MGAT5: variants seen among roughly 807,000 people sequenced by gnomAD.
The protein encoded by MGAT5 is alpha-1,6-mannosylglycoprotein 6-beta-N-acetylglucosaminyltransferase, also known as alpha-1,6-mannosylglycoprotein 6-beta-N-acetylglucosaminyltransferase A.
Under a neutral mutation model 94.3 loss-of-function variants are expected in MGAT5, and 30 were observed. The observed-to-expected ratio is 0.32, with a 90% CI of 0.24 to 0.43. MGAT5 has a LOEUF of 0.43. Among genes scored for constraint, MGAT5 ranks in the 20% least tolerant of loss-of-function variants. The pLI is 1.00. For missense variants in MGAT5, 691 were observed against 905.5 expected, an observed-to-expected ratio of 0.76 and a Z score of 3.04; for synonymous variants, 310 against 322.9, an observed-to-expected ratio of 0.96 and a Z score of 0.43.
chr2:134,172,186 A>G (rs531997287), intron 1 of MGAT5, among the ~76,000 whole-genome samples: 6 of 152,138 alleles, frequency 3.9e-5, no homozygotes, highest in Admixed American at 6.5e-5. Flanking sequence ...GAGCAGCCCA[A>G]CCTGGGCCCA....
At chr2:134,414,182 C>T (rs1344160398) in intron 12 of MGAT5, among the ~76,000 whole-genome samples, 2 of 148,628 alleles carry the variant, frequency 1.3e-5, no homozygotes, top group Non-Finnish European at 3.0e-5. Flanking sequence ...TTTCCTTCTG[C>T]TAGAATAATA....
intron 1 of MGAT5, among the ~76,000 whole-genome samples, chr2:134,262,377 A>G (rs972508367): frequency 1.6e-4 from 24 of 152,216 alleles, no homozygotes; most frequent in African/African-American, 5.8e-4. Flanking sequence ...AGCTGGGACT[A>G]TAGGCATGTG....
At chr2:134,308,783 C>T (rs950481983) in intron 2 of MGAT5, among the ~76,000 whole-genome samples, 1 of 152,008 alleles carries the variant, frequency 6.6e-6, no homozygotes, top group Non-Finnish European at 1.5e-5. Context: ...GCCTGTAATC[C>T]CAGCACTTTG....
At chr2:134,328,652 A>G (rs1349861790) in intron 4 of MGAT5, among the ~76,000 whole-genome samples, 2 of 152,128 alleles carry the variant, frequency 1.3e-5, no homozygotes, top group African/African-American at 4.8e-5. Context: ...CCTGTGTGCC[A>G]GGTACTGCTT....
intron 12 of MGAT5, among the ~76,000 whole-genome samples, chr2:134,421,542 C>T (rs1684291105): frequency 6.6e-6 from 1 of 151,816 alleles, no homozygotes; most frequent in Non-Finnish European, 1.5e-5. Context: ...CTGGATCATA[C>T]TACTGCATTC....
chr2:134,277,240 A>G (rs936848527), intron 2 of MGAT5, among the ~76,000 whole-genome samples: 13 of 152,124 alleles, frequency 8.5e-5, no homozygotes, highest in Admixed American at 2.6e-4. Context: ...GGGAAATAAT[A>G]GTAGTGTCCA....
intron 1 of MGAT5, among the ~76,000 whole-genome samples, chr2:134,204,766 CT>C (rs1394455802): frequency 6.6e-6 from 1 of 152,168 alleles, no homozygotes; most frequent in African/African-American, 2.4e-5. Context: ...ACAGGTATCT[CT>C]CTGGGGATAC....
intron 10 of MGAT5, among the ~76,000 whole-genome samples, chr2:134,371,944 TA>T (rs59624970): frequency 3.1e-3 from 440 of 139,846 alleles, no homozygotes; most frequent in Middle Eastern, 3.7e-3. Flanking sequence ...TTGTTTTGTT[TA>T]AAAAAAAAAA....
At position 134,270,518 on chromosome 2, in the gene MGAT5, G is replaced by A. The variant is rs1347318247; in HGVS notation, c.374G>A (p.Ser125Asn). The A allele has an allele frequency of 6.2e-7, 1 of 1,614,166 alleles. No individual in the cohort carries two copies. Among genetic ancestry groups the A allele is most frequent in the Admixed American group, 1.7e-5 (1 of 60,022 alleles). Residue 125 changes from serine to asparagine, a missense_variant, in exon 2 of 16, where the codon AGC becomes AAC. Physicochemically the swap from Ser to Asn is conservative, Grantham distance 46. Transcript: ENST00000281923. ...NSTNSTTAVP[S>N]LVALEKINVA... Reference sequence around the variant, plus strand: ...ACCAACTCCACTACAGCTGTTCCCAGCTTGGTTGCACTTGAGAAAATTAAT... The same window carrying A: ...ACCAACTCCACTACAGCTGTTCCCAACTTGGTTGCACTTGAGAAAATTAAT...
rs568380821 is a variant in MGAT5, at chr2:134,185,982, C to T, written c.-143+65691C>T. Among the ~76,000 whole-genome samples, 31 of 152,302 alleles carry T rather than the reference C, an allele frequency of 2.0e-4. No homozygotes were observed. The South Asian group carries it at 5.4e-3, about 26-fold the overall frequency. On this transcript the variant is annotated intron_variant, in intron 1 of 16. Transcript: ENST00000409645. The stretch of plus-strand genomic sequence containing the variant: ...GCCTGTGATATTTGGGTTCTGCTGT[C>T]CTCATGAGGATGAGGAACCGTAGAT...
chr2:134,295,361 G>A (rs1032225568), intron 2 of MGAT5, among the ~76,000 whole-genome samples: 5 of 152,176 alleles, frequency 3.3e-5, no homozygotes, highest in Non-Finnish European at 7.4e-5. Flanking sequence ...CCAATCAACT[G>A]TGTGGCTTTC....
At chr2:134,143,953 G>C (rs555196155) in intron 1 of MGAT5, among the ~76,000 whole-genome samples, 20 of 152,208 alleles carry the variant, frequency 1.3e-4, no homozygotes, top group African/African-American at 4.8e-4. Flanking sequence ...AGTTCAGGGA[G>C]GTGAGGGAAT....
chr2:134,127,555 A>G (rs1339796296), intron 1 of MGAT5, among the ~76,000 whole-genome samples: 1 of 138,054 alleles, frequency 7.2e-6, no homozygotes, highest in East Asian at 2.5e-4. Context: ...TGTAGGTCCA[A>G]TAAAGAAAGG....
chr2:134,445,563 A>G (rs558541570), intron 15 of MGAT5, among the ~76,000 whole-genome samples: 1 of 152,308 alleles, frequency 6.6e-6, no homozygotes, highest in East Asian at 1.9e-4. Flanking sequence ...TTCTCAGCCC[A>G]GTGCCTGTGA....
intron 1 of MGAT5, among the ~76,000 whole-genome samples, chr2:134,202,563 G>C (rs1361564200): frequency 6.6e-6 from 1 of 152,232 alleles, no homozygotes; most frequent in African/African-American, 2.4e-5. Context: ...CACTGGCCCA[G>C]GGTTTAGCAT....
rs369516817 is a variant in MGAT5 at position 134,362,289 on chromosome 2, A to G, written c.1261A>G (p.Asn421Asp). 2 of 1,613,760 alleles carry G rather than the reference A, an allele frequency of 1.2e-6. No homozygotes were observed. The highest frequency in any genetic ancestry group is 2.7e-5 in the African/African-American group (2 of 74,916). The change falls in exon 10 of 16, where the codon AAC becomes GAC. Residue 421 changes from asparagine (N) to aspartate (D), a missense_variant. Transcript: ENST00000281923. The part of the protein sequence containing the change: ...FYTMFPHTPD[N>D]SFLGFVVEQH... ...TTGCACACCAGCTCATACCCCAGAC[A>G]ACAGCTTTCTGGGGTTTGTGGTTGA...
At chr2:134,387,326 ATATATATT>A (rs1231114664) in intron 10 of MGAT5, among the ~76,000 whole-genome samples, 74 of 36,726 alleles carry the variant, frequency 2.0e-3, no homozygotes, top group Middle Eastern at 0.012. Flanking sequence ...ATATATATAT[ATATATATT>A]TTTTTTTTTT....
intron 1 of MGAT5, among the ~76,000 whole-genome samples, chr2:134,228,124 A>G (rs1681160591): frequency 6.6e-6 from 1 of 152,228 alleles, no homozygotes; most frequent in African/African-American, 2.4e-5. Context: ...GCATAGTTTC[A>G]GAAGGTCACA....
At chr2:134,183,832 G>C (rs1488903439) in intron 1 of MGAT5, among the ~76,000 whole-genome samples, 1 of 152,212 alleles carries the variant, frequency 6.6e-6, no homozygotes, top group Non-Finnish European at 1.5e-5. Flanking sequence ...GCTTGATGTG[G>C]CTTCCATTGA....
Sources: allele counts gnomAD v4.1 joint callset (sites outside exome capture counted in the v4.1 genomes callset), GRCh38; gene constraint gnomAD v4.1.1; transcripts MANE v1.5; gene names NCBI Gene and HGNC (gene_info 2026-07-23, HGNC 2026-07-21).